Variants in GPHN observed in about 807,000 individuals in gnomAD.
The protein encoded by GPHN is gephyrin.
Under a neutral mutation model 95.5 loss-of-function variants are expected in GPHN, and 17 were observed. The ratio of observed to expected loss-of-function variants is 0.18; its 90% CI spans 0.12 to 0.27. GPHN has a LOEUF of 0.27. Among genes scored for constraint, GPHN ranks in the 10% least tolerant of loss-of-function variants. GPHN has a pLI of 1.00. For missense variants in GPHN, 660 were observed against 978.1 expected (o/e 0.67, Z 4.34); for synonymous variants, 320 against 322.5 (o/e 0.99, Z 0.08).
intron 2 of GPHN, among the ~76,000 whole-genome samples, chr14:66,708,714 A>C (rs10132406): frequency 0.31 from 47,234 of 151,896 alleles, 11,171 homozygotes; most frequent in African/African-American, 0.64. Context: ...AAGTATGCCA[A>C]AGTGTGAATA....
At chr14:67,051,642 C>T (rs1276773982) in intron 10 of GPHN, among the ~76,000 whole-genome samples, 1 of 152,000 alleles carries the variant, frequency 6.6e-6, no homozygotes, top group East Asian at 1.9e-4. Context: ...AAAGGTCATC[C>T]CCAAGACACA....
At chr14:67,303,636 G>T in the GPHN span, 12 of 1,451,634 alleles carry the variant, frequency 8.3e-6, no homozygotes, top group Admixed American at 3.3e-5. Flanking sequence ...TTATGTGTTT[G>T]TGGATGCTGT....
the GPHN span, among the ~76,000 whole-genome samples, chr14:67,606,567 G>T: frequency 2.0e-5 from 3 of 152,200 alleles, no homozygotes; most frequent in Non-Finnish European, 4.4e-5. Flanking sequence ...TTGGAAATAA[G>T]TTACCTTTAT....
rs139190559 is a variant in GPHN, at chr14:66,672,321, G to T, written c.65-8786G>T. Among the ~76,000 whole-genome samples, 13 of 152,268 alleles carry T rather than the reference G, an allele frequency of 8.5e-5. No homozygotes were observed. In the East Asian group the frequency reaches 2.5e-3, roughly 29 times the overall value. ...AGCCAACACTATAATTTTGTGGTAA[G>T]ATGTGAACGTGGTCCTTTTGGTGAA... On this transcript the variant is annotated intron_variant, in intron 1 of 22. Coordinates refer to ENST00000478722, the MANE Select transcript of GPHN (RefSeq NM_020806.5).
Position 66,836,850 on chromosome 14 carries a change from C to T in GPHN, c.294+12284C>T, listed in dbSNP as rs543000847. Among the ~76,000 whole-genome samples the T allele has an allele frequency of 6.7e-4, 102 of 151,990 alleles. 1 individual carries two copies. The South Asian group carries it at 0.011, about 16-fold the overall frequency. ...CAGAAAACACATGAAAAAATGCTCA[C>T]CGTCACTGGCCATCAGAGAAATGCA... On this transcript the variant is annotated intron_variant, in intron 4 of 22. Coordinates refer to ENST00000478722, the MANE Select transcript of GPHN (RefSeq NM_020806.5).
rs569902361 is a variant in GPHN, at chr14:67,023,877, G to A, written c.1006+202G>A. Among the ~76,000 whole-genome samples, 3 of 152,180 alleles carry A rather than the reference G, an allele frequency of 2.0e-5. No individual in the cohort carries two copies. The East Asian group carries it at 5.8e-4, about 29-fold the overall frequency. On this transcript the variant is annotated intron_variant, in intron 10 of 22. Coordinates refer to ENST00000478722, the MANE Select transcript of GPHN (RefSeq NM_020806.5). Reference sequence around the variant, plus strand: ...CTTAATCTAATTGTTTTTGCAAGCTGACACCAGAACTTTGATGCACTCCTA... The same window carrying A: ...CTTAATCTAATTGTTTTTGCAAGCTAACACCAGAACTTTGATGCACTCCTA...
chr14:67,653,582 T>C, the GPHN span: 1 of 1,220,366 alleles, frequency 8.2e-7, no homozygotes, highest in South Asian at 1.3e-5. Context: ...CAGTAGGCAT[T>C]AAGGGATATA....
At chr14:66,729,589 T>C (rs531382254) in intron 2 of GPHN, among the ~76,000 whole-genome samples, 30 of 152,334 alleles carry the variant, frequency 2.0e-4, no homozygotes, top group African/African-American at 6.7e-4. Flanking sequence ...AGTCTATATG[T>C]TGCTTGGGTG....
At position 66,812,888 on chromosome 14, in the gene GPHN, A is replaced by T. The variant is rs1218539427; in HGVS notation, c.202-11586A>T. Among the ~76,000 whole-genome samples, 7 of 152,234 alleles carry T rather than the reference A, an allele frequency of 4.6e-5. No homozygotes were observed. The East Asian group carries it at 1.3e-3, about 29-fold the overall frequency. ...ATATGTAGAATGAAAGGAAAATTAG[A>T]AATATTCAAGATTTTACTCTGGAAA... On this transcript the variant is annotated intron_variant, in intron 3 of 22. Transcript: ENST00000478722.
At chr14:67,392,359 G>A in the GPHN span, 3 of 1,613,122 alleles carry the variant, frequency 1.9e-6, no homozygotes, top group Non-Finnish European at 2.5e-6. Flanking sequence ...TCACCACCGT[G>A]CCACTTAACT....
At chr14:66,843,719 CT>C (rs2062192236) in intron 4 of GPHN, among the ~76,000 whole-genome samples, 1 of 152,136 alleles carries the variant, frequency 6.6e-6, no homozygotes, top group African/African-American at 2.4e-5. Flanking sequence ...TAGGAAAATG[CT>C]TTGCTATCTA....
intron 3 of GPHN, among the ~76,000 whole-genome samples, chr14:66,803,603 A>G (rs932680321): frequency 6.6e-6 from 1 of 151,944 alleles, no homozygotes; most frequent in East Asian, 1.9e-4. Flanking sequence ...ACTTCTTCCT[A>G]TTCTATCTTC....
At chr14:67,002,116 G>A (rs2072272056) in intron 9 of GPHN, among the ~76,000 whole-genome samples, 1 of 151,446 alleles carries the variant, frequency 6.6e-6, no homozygotes, top group African/African-American at 2.4e-5. Flanking sequence ...CTGTAAAGAT[G>A]TTGACATTCT....
chr14:67,626,128 C>T, the GPHN span, among the ~76,000 whole-genome samples: 1 of 152,050 alleles, frequency 6.6e-6, no homozygotes, highest in Non-Finnish European at 1.5e-5. Flanking sequence ...GTGGCACACT[C>T]CTGTAGTCCC....
chr14:67,572,116 C>T, the GPHN span: 3 of 1,600,196 alleles, frequency 1.9e-6, no homozygotes, highest in Non-Finnish European at 2.6e-6. Context: ...CGGGCCTTGA[C>T]TCCTCCTCCC....
intron 10 of GPHN, among the ~76,000 whole-genome samples, chr14:67,054,470 A>G (rs1305299891): frequency 6.6e-6 from 1 of 152,194 alleles, no homozygotes; most frequent in Non-Finnish European, 1.5e-5. Context: ...CAAATGGAAA[A>G]ACATTCCACG....
chr14:67,203,697 G>A, the GPHN span, among the ~76,000 whole-genome samples: 5 of 152,126 alleles, frequency 3.3e-5, no homozygotes, highest in Non-Finnish European at 7.4e-5. Flanking sequence ...CTTTCTCATG[G>A]TAAATAATTG....
At chr14:67,254,235 C>T in the GPHN span, 22 of 145,056 alleles carry the variant, frequency 1.5e-4, no homozygotes, top group Non-Finnish European at 3.1e-4. Flanking sequence ...CGGACTCTGC[C>T]TCAGCAGCCT....
chr14:66,560,019 T>G (rs1289950831), intron 1 of GPHN, among the ~76,000 whole-genome samples: 1 of 152,218 alleles, frequency 6.6e-6, no homozygotes, highest in Non-Finnish European at 1.5e-5. Flanking sequence ...TTGCTTGTTT[T>G]TGTCAGGTTT....
Sources: allele counts gnomAD v4.1 joint callset (sites outside exome capture counted in the v4.1 genomes callset), GRCh38; gene constraint gnomAD v4.1.1; transcripts MANE v1.5; gene names NCBI Gene and HGNC (gene_info 2026-07-23, HGNC 2026-07-21).